BLM: variants seen among roughly 807,000 people sequenced by gnomAD.
BLM encodes the protein BLM RecQ like helicase, also known as recQ-like DNA helicase BLM.
A neutral mutation model predicts 135.3 loss-of-function variants in BLM; 95 were observed. That is an observed-to-expected ratio of 0.70 (90% CI 0.59 to 0.83). The LOEUF is 0.83. BLM is among the 40% of genes least tolerant of loss of function. The pLI is 0.00. For missense variants in BLM, 1,518 were observed against 1,663.9 expected, an observed-to-expected ratio of 0.91 and a Z score of 1.53; for synonymous variants, 520 against 589.2, an observed-to-expected ratio of 0.88 and a Z score of 1.70.
rs879885438 is a variant in BLM, at chr15:90,721,929, CA to C, written c.-5+4502del. ...CTGGCGACAGAGCAAGACTGCATCTCAAAAAAAAAAAAATTTTCTTTATTAT... is the reference window on the plus strand; with the variant it reads ...CTGGCGACAGAGCAAGACTGCATCTCAAAAAAAAAAAATTTTCTTTATTAT... On this transcript the variant is annotated intron_variant, in intron 1 of 21. Coordinates refer to ENST00000355112, the MANE Select transcript of BLM (RefSeq NM_000057.4). Among the ~76,000 whole-genome samples, 1,193 of 137,152 alleles carry C rather than the reference CA, an allele frequency of 8.7e-3. 7 individuals carry two copies. The highest frequency in any genetic ancestry group is 0.012 in the Non-Finnish European group (785 of 63,070). 90.0% of individuals were successfully genotyped at this position (137,152 alleles called of 152,430 possible).
chr15:90,750,784 G>A (rs1895660457), intron 3 of BLM, among the ~76,000 whole-genome samples: 1 of 152,076 alleles, frequency 6.6e-6, no homozygotes, highest in Non-Finnish European at 1.5e-5. Context: ...TTCACCTTTT[G>A]CTGTGCTTAA....
intron 19 of BLM, among the ~76,000 whole-genome samples, chr15:90,805,193 C>T (rs927088763): frequency 6.0e-5 from 9 of 150,838 alleles, no homozygotes; most frequent in Admixed American, 1.3e-4. Flanking sequence ...TAAACTCATT[C>T]TTAAGATAAA....
intron 14 of BLM, among the ~76,000 whole-genome samples, chr15:90,787,234 A>T (rs1002923324): frequency 6.6e-6 from 1 of 150,904 alleles, no homozygotes; most frequent in Admixed American, 6.6e-5. Context: ...TTGTATGTTT[A>T]GTAGAGACGA....
At chr15:90,758,567 G>T (rs188108206) in intron 5 of BLM, among the ~76,000 whole-genome samples, 28 of 152,274 alleles carry the variant, frequency 1.8e-4, no homozygotes, top group Admixed American at 5.9e-4. Context: ...ATGGGAGTGG[G>T]CTGGCAGGAT....
rs146696792 is a variant in BLM at position 90,757,249 on chromosome 15, G to A, written c.1087+2311G>A. Among the ~76,000 whole-genome samples the A allele has an allele frequency of 3.9e-4, 59 of 152,198 alleles. No individual in the cohort carries two copies. The East Asian group carries it at 0.011, about 28-fold the overall frequency. On this transcript the variant is annotated intron_variant, in intron 5 of 21. Coordinates refer to ENST00000355112, the MANE Select transcript of BLM (RefSeq NM_000057.4). ...TTTTTTGAAAATTAGAACAATGTTT[G>A]TCTGTCCTCACTTTCCATCAGTTCT...
At chr15:90,748,947 T>TG (rs1374225530) in intron 2 of BLM, among the ~76,000 whole-genome samples, 2 of 151,742 alleles carry the variant, frequency 1.3e-5, no homozygotes, top group Non-Finnish European at 2.9e-5. Context: ...TTATTAGAGG[T>TG]GGGGTTTCAC....
In BLM at chr15:90,815,397, ATTTAAATAAATGC is replaced by A. The variant is rs1897537689; in HGVS notation, c.*120_*132del. 1 of 1,084,218 alleles carries A rather than the reference ATTTAAATAAATGC, an allele frequency of 9.2e-7. No homozygotes were observed. The highest frequency in any genetic ancestry group is 1.4e-6 in the Non-Finnish European group (1 of 735,242). The allele number at this position is 1,084,218 out of a possible 1,614,324, so 67.2% of individuals were successfully genotyped here. On this transcript the variant is annotated 3_prime_UTR_variant, in exon 22 of 22. Transcript: ENST00000355112. This position sits in a 1 kb window ranked among gnomAD's most constrained non-coding sequence, Gnocchi z 4.6. ...GAAGTTTTTACTCGTCTCTATTAAT[ATTTAAATAAATGC>A]TGGGGGGTGATAGTTCTTCTTTTTA...
chr15:90,788,166 G>T (rs77970791), intron 14 of BLM, among the ~76,000 whole-genome samples: 1 of 152,104 alleles, frequency 6.6e-6, no homozygotes, highest in Admixed American at 6.6e-5. Flanking sequence ...TAAGGATTCA[G>T]CCTAAGAATA....
chr15:90,746,500 A>C (rs6496724), intron 1 of BLM, among the ~76,000 whole-genome samples: 54,220 of 152,068 alleles, frequency 0.36, 11,443 homozygotes, highest in African/African-American at 0.6. Flanking sequence ...CTAAATTCTG[A>C]TTTTCACTGT....
Position 90,724,240 on chromosome 15 carries a change from TG to T in BLM, c.-5+6803del, listed in dbSNP as rs544209138. On this transcript the variant is annotated intron_variant, in intron 1 of 21. Transcript: ENST00000355112. ...GTTGCCTAGGCTGGTCTCAAACTCC[TG>T]GGCTCAAGCGATACTCCTGCCTTGG... Among the ~76,000 whole-genome samples, 789 of 152,248 alleles carry T rather than the reference TG, an allele frequency of 5.2e-3. 5 individuals carry two copies. The highest frequency in any genetic ancestry group is 0.017 in the Middle Eastern group (5 of 294).
chr15:90,803,592 A>G lies in BLM; in HGVS notation c.3430A>G (p.Arg1144Gly). ...TGCTTATTCACGACACAATGCCGAAAGACTTTTTAAAAAGCTGATACTTGA... is the reference window on the plus strand; with the variant it reads ...TGCTTATTCACGACACAATGCCGAAGGACTTTTTAAAAAGCTGATACTTGA... The part of the protein sequence containing the change: ...GSAYSRHNAE[R>G]LFKKLILDKI... The change falls in exon 18 of 22, where the codon AGA becomes GGA. Residue 1144 changes from arginine to glycine, a missense_variant. Arg to Gly is a moderately radical substitution (Grantham distance 125). Coordinates refer to ENST00000355112, the MANE Select transcript of BLM (RefSeq NM_000057.4). 6.2e-7 allele frequency: 1 copy of G among 1,614,048 alleles called. No homozygotes were observed. The highest frequency in any genetic ancestry group is 1.1e-5 in the South Asian group (1 of 91,080).
At chr15:90,757,818 A>C (rs1163526282) in intron 5 of BLM, among the ~76,000 whole-genome samples, 2 of 151,784 alleles carry the variant, frequency 1.3e-5, no homozygotes, top group Non-Finnish European at 2.9e-5. Flanking sequence ...TTTTACTCTC[A>C]CAGACTTTAG....
intron 7 of BLM, among the ~76,000 whole-genome samples, 161 bp from the exon 8 acceptor site, chr15:90,762,805 G>C (rs1261725004): frequency 1.3e-5 from 2 of 152,098 alleles, no homozygotes; most frequent in African/African-American, 4.8e-5. Context: ...GCAAGTTTTT[G>C]GTGGCTTTGA....
Position 90,815,116 on chromosome 15 carries a change from G to A in BLM, c.4091G>A (p.Cys1364Tyr). Residue 1364 changes from cysteine (C) to tyrosine (Y), a missense_variant, in exon 22 of 22, where the codon TGT becomes TAT. Cys to Tyr is a radical substitution (Grantham distance 194, BLOSUM62 -2). Around this residue, in one of 5 missense-constraint regions of BLM, gnomAD observed 153 missense variants for 173.4 expected, o/e 0.88. Transcript: ENST00000355112. The surrounding 1 kb of genome is among the most constrained non-coding windows in gnomAD (Gnocchi z 4.6). Reference protein sequence around the residue: ...GSKAKGGSATCRKISSKTKSS... With the variant: ...GSKAKGGSATYRKISSKTKSS... ...TCACATTTCAGGGGGTCTGCCACAT[G>A]TAGAAAGATATCTTCCAAAACGAAA... 1 of 1,614,046 alleles carries A rather than the reference G, an allele frequency of 6.2e-7. No homozygotes were observed. The highest frequency in any genetic ancestry group is 8.5e-7 in the Non-Finnish European group (1 of 1,180,022).
chr15:90,738,092 C>T (rs773333835), intron 1 of BLM, among the ~76,000 whole-genome samples: 1 of 151,760 alleles, frequency 6.6e-6, no homozygotes, highest in African/African-American at 2.4e-5. Context: ...ACATAACCAC[C>T]AAGACAGAAT....
chr15:90,813,417 G>T (rs1477495331), intron 21 of BLM, among the ~76,000 whole-genome samples: 6 of 152,082 alleles, frequency 3.9e-5, no homozygotes, highest in Non-Finnish European at 8.8e-5. Flanking sequence ...TGTCGTTATG[G>T]AGTTTTGCTC....
intron 9 of BLM, 29 bp from the exon 10 acceptor site, chr15:90,766,881 T>C (rs1482413173): frequency 2.1e-6 from 3 of 1,404,768 alleles, no homozygotes; most frequent in Non-Finnish European, 2.0e-6. Flanking sequence ...ATGTATAAAA[T>C]TGAAATTGTT....
intron 19 of BLM, among the ~76,000 whole-genome samples, chr15:90,807,496 C>T (rs1897310455): frequency 6.6e-6 from 1 of 152,100 alleles, no homozygotes; most frequent in Admixed American, 6.6e-5. Flanking sequence ...ACCTCCTGGG[C>T]TCAAGTGATC....
rs933787223 is a variant in BLM, at chr15:90,762,863, A to C, written c.1883-103A>C. 6.4e-6 allele frequency: 7 copies of C among 1,085,322 alleles called. No homozygotes were observed. The African/African-American group carries it at 1.1e-4, about 17-fold the overall frequency. 67.2% of individuals were successfully genotyped at this position (1,085,322 alleles called of 1,614,324 possible). On this transcript the variant is annotated intron_variant, in intron 7 of 21. Coordinates refer to ENST00000355112, the MANE Select transcript of BLM (RefSeq NM_000057.4). ...GTAAAGAGTTTAAGAACTGTGCTGC[A>C]GGGAAACGTGTGCCAGTGATTCTGC...
Sources: allele counts gnomAD v4.1 joint callset (sites outside exome capture counted in the v4.1 genomes callset), GRCh38; gene constraint gnomAD v4.1.1; regional missense constraint gnomAD v4.1.1; non-coding constraint Gnocchi (gnomAD v3.1); transcripts MANE v1.5; gene names NCBI Gene and HGNC (gene_info 2026-07-23, HGNC 2026-07-21).